MSH3: variants seen among roughly 807,000 people sequenced by gnomAD.
MSH3 encodes DNA mismatch repair protein Msh3.
MSH3 carries 106 observed loss-of-function variants against 123.3 expected under a neutral mutation model. That is an observed-to-expected ratio of 0.86 (90% CI 0.73 to 1.01). The LOEUF (loss-of-function observed/expected upper bound fraction) is 1.01. Among genes scored for constraint, MSH3 ranks in the 50% least tolerant of loss-of-function variants. The probability of loss-of-function intolerance (pLI) is 0.00; values close to 1 mark genes in which losing one functional copy is unlikely to be tolerated. For synonymous variants in MSH3, 515 were observed against 481.4 expected (o/e 1.07, Z -0.91); for missense variants, 1,459 against 1,347.6 (o/e 1.08, Z -1.29).
chr5:80,860,583 G>T (rs912134261), intron 21 of MSH3, among the ~76,000 whole-genome samples: 1 of 150,996 alleles, frequency 6.6e-6, no homozygotes, highest in Non-Finnish European at 1.5e-5. Flanking sequence ...GCTTACTTCA[G>T]TATTTTTTTT....
chr5:80,856,959 A>C lies in MSH3; in HGVS notation c.3000+2643A>C, dbSNP rs559428901. 3.9e-5 allele frequency among the ~76,000 whole-genome samples: 6 copies of C among 152,264 alleles called. No homozygotes were observed. The South Asian group carries it at 1.0e-3, about 26-fold the overall frequency. On this transcript the variant is annotated intron_variant, in intron 21 of 23. Coordinates refer to ENST00000265081, the MANE Select transcript of MSH3 (RefSeq NM_002439.5). ...AGTGTTGAAAAAGCAGTAAGAAAGG[A>C]TATCGTTGCCTTGTTTCTGATCTTA...
At chr5:80,746,729 T>C in intron 12 of MSH3, 1 of 393,590 alleles carries the variant, frequency 2.5e-6, no homozygotes, top group Non-Finnish European at 5.1e-6. Context: ...TTCTCATATC[T>C]TCCAACATGG....
At chr5:80,867,112 C>T (rs747616253) in intron 22 of MSH3, among the ~76,000 whole-genome samples, 15 of 152,194 alleles carry the variant, frequency 9.9e-5, no homozygotes, top group Non-Finnish European at 1.8e-4. Context: ...GTTCCCTTAC[C>T]CCTCTTCTAA....
chr5:80,668,414 CTGTT>C (rs1043694505), intron 3 of MSH3, among the ~76,000 whole-genome samples: 14 of 152,276 alleles, frequency 9.2e-5, no homozygotes, highest in Non-Finnish European at 1.5e-4. Flanking sequence ...GGCACCCAGG[CTGTT>C]TGTGCCATGG....
chr5:80,858,443 T>A (rs1170539116), intron 21 of MSH3, among the ~76,000 whole-genome samples: 1 of 152,186 alleles, frequency 6.6e-6, no homozygotes, highest in Admixed American at 6.5e-5. Context: ...TATTTTAAAT[T>A]TCTCTTTATT....
chr5:80,654,711 G>T lies in MSH3; in HGVS notation c.-17G>T. The T allele has an allele frequency of 1.3e-6, 2 of 1,585,738 alleles. No homozygotes were observed. Among genetic ancestry groups the T allele is most frequent in the Non-Finnish European group, 8.6e-7 (1 of 1,169,070 alleles). On this transcript the variant is annotated 5_prime_UTR_variant, in exon 1 of 24. Coordinates refer to ENST00000265081, the MANE Select transcript of MSH3 (RefSeq NM_002439.5). ...CCTCGCCAGGCCCTGCCGCCGGGCT[G>T]CCATCCTTGCCCTGCCATGTCTCGC... is the stretch of plus-strand genomic sequence containing the variant.
chr5:80,834,996 G>A (rs955241383), intron 20 of MSH3, among the ~76,000 whole-genome samples: 2 of 152,162 alleles, frequency 1.3e-5, no homozygotes, highest in Admixed American at 6.6e-5. Context: ...CTATAAAATA[G>A]GAGTATAAAA....
intron 12 of MSH3, among the ~76,000 whole-genome samples, chr5:80,748,718 AC>A (rs1743769526): frequency 1.3e-5 from 2 of 151,170 alleles, no homozygotes; most frequent in South Asian, 2.1e-4. Context: ...ACACACACAC[AC>A]ACACACACAC....
At chr5:80,788,815 A>G (rs1481859627) in intron 18 of MSH3, among the ~76,000 whole-genome samples, 1 of 152,052 alleles carries the variant, frequency 6.6e-6, no homozygotes, top group Non-Finnish European at 1.5e-5. Flanking sequence ...AAAAAAAAAA[A>G]AAGAGAGATA....
intron 10 of MSH3, among the ~76,000 whole-genome samples, chr5:80,741,046 T>C (rs1271875170): frequency 6.6e-6 from 1 of 152,204 alleles, no homozygotes. Context: ...TTTATCAAGA[T>C]GATCTCATGC....
chr5:80,864,766 A>G lies in MSH3; in HGVS notation c.3001-47A>G, dbSNP rs761524142. On this transcript the variant is annotated intron_variant, in intron 21 of 23. Coordinates refer to ENST00000265081, the MANE Select transcript of MSH3 (RefSeq NM_002439.5). ...AAGTGGAAGACAGATTTTAATTACA[A>G]TAAAATTTAAAAATGAAATAACATT... 8.7e-6 allele frequency: 13 copies of G among 1,496,886 alleles called. No individual in the cohort carries two copies. The Admixed American group carries it at 8.9e-5, about 10-fold the overall frequency. The allele number at this position is 1,496,886 out of a possible 1,614,324, so 92.7% of individuals were successfully genotyped here. A position where few individuals can be genotyped will look rare whatever the true frequency, so the allele number is the denominator to read the frequency against.
chr5:80,751,885 C>T (rs1039190517), intron 12 of MSH3, among the ~76,000 whole-genome samples: 4 of 151,948 alleles, frequency 2.6e-5, no homozygotes, highest in African/African-American at 9.7e-5. Flanking sequence ...CTGATTATAC[C>T]CATCTCTTTA....
chr5:80,704,595 T>G (rs980851939), intron 8 of MSH3, among the ~76,000 whole-genome samples: 1 of 152,184 alleles, frequency 6.6e-6, no homozygotes, highest in African/African-American at 2.4e-5. Flanking sequence ...GGTAAGCCCA[T>G]CCTTATGTGT....
At chr5:80,799,500 CT>C (rs746348952) in intron 19 of MSH3, among the ~76,000 whole-genome samples, 141 of 32,270 alleles carry the variant, frequency 4.4e-3, no homozygotes, top group African/African-American at 0.014. Flanking sequence ...GAAGATAGCA[CT>C]TTTTTTTTTT....
At position 80,768,857 on chromosome 5, in the gene MSH3, T is replaced by A. The variant is rs1487268212; in HGVS notation, c.2107T>A (p.Phe703Ile). The change falls in exon 15 of 24, where the codon TTT (phenylalanine) becomes ATT (isoleucine). Residue 703 changes from phenylalanine (F) to isoleucine (I), a missense_variant. Coordinates refer to ENST00000265081, the MANE Select transcript of MSH3 (RefSeq NM_002439.5). ...AAKVGDKTEL[F>I]KDLSDFPLIK... ...TAGAGTTGGGGATAAAACTGAATTA[T>A]TTAAAGACCTTTCTGACTTCCCTTT... 1 of 1,609,836 alleles carries A rather than the reference T, an allele frequency of 6.2e-7. No homozygotes were observed. Among genetic ancestry groups the A allele is most frequent in the African/African-American group, 1.3e-5 (1 of 74,904 alleles).
At position 80,761,402 on chromosome 5, in the gene MSH3, C is replaced by T. The variant is rs1299471861; in HGVS notation, c.1764-144C>T. The T allele has an allele frequency of 5.0e-6, 5 of 1,007,418 alleles. No individual in the cohort carries two copies. The Admixed American group carries it at 7.8e-5, about 16-fold the overall frequency. 62.4% of individuals were successfully genotyped at this position (1,007,418 alleles called of 1,614,324 possible). A position where few individuals can be genotyped will look rare whatever the true frequency, so the allele number is the denominator to read the frequency against. On this transcript the variant is annotated intron_variant, in intron 12 of 23. Coordinates refer to ENST00000265081, the MANE Select transcript of MSH3 (RefSeq NM_002439.5). ...ATTGGAGTTTTGTCAGGGAGTCCTT[C>T]CCACATGACTATCTCAGTATGAAGG...
chr5:80,732,782 A>G (rs1169497838), intron 10 of MSH3, among the ~76,000 whole-genome samples: 4 of 152,200 alleles, frequency 2.6e-5, no homozygotes, highest in Non-Finnish European at 5.9e-5. Flanking sequence ...AAACTACATG[A>G]TAGTCTCAAT....
intron 20 of MSH3, among the ~76,000 whole-genome samples, chr5:80,830,069 G>C (rs962734255): frequency 6.6e-6 from 1 of 151,848 alleles, no homozygotes; most frequent in East Asian, 1.9e-4. Context: ...TGAGATCTGT[G>C]GTGATGTCTC....
At chr5:80,723,059 G>A (rs1390045713) in intron 8 of MSH3, among the ~76,000 whole-genome samples, 1 of 151,292 alleles carries the variant, frequency 6.6e-6, no homozygotes, top group Admixed American at 6.6e-5. Flanking sequence ...AATGAGCCCT[G>A]GTCCAGCCTA....
Sources: gnomAD v4.1 joint callset for allele counts (sites outside exome capture counted in the v4.1 genomes callset) on GRCh38, gnomAD v4.1.1 for gene constraint, MANE v1.5 for transcripts, NCBI Gene and HGNC (gene_info 2026-07-23, HGNC 2026-07-21) for gene names.